Variants in CPNE3 observed in about 807,000 individuals in gnomAD.
The protein encoded by CPNE3 is copine-3.
A neutral mutation model predicts 63.9 loss-of-function variants in CPNE3; 68 were observed. The observed-to-expected ratio is 1.06, with a 90% CI of 0.87 to 1.30. CPNE3 has a LOEUF of 1.30. Among genes scored for constraint, CPNE3 ranks in the 50% most tolerant of loss-of-function variants. The probability of loss-of-function intolerance (pLI) is 0.00; values close to 1 mark genes in which losing one functional copy is unlikely to be tolerated. For missense variants in CPNE3, 665 were observed against 578.1 expected, an observed-to-expected ratio of 1.15 and a Z score of -1.54; for synonymous variants, 219 against 197.5, an observed-to-expected ratio of 1.11 and a Z score of -0.91.
At chr8:86,532,225 G>C (rs192646171) in intron 5 of CPNE3, among the ~76,000 whole-genome samples, 17 of 152,172 alleles carry the variant, frequency 1.1e-4, no homozygotes, top group African/African-American at 3.4e-4. Flanking sequence ...AGTCTTCTGG[G>C]GTTTTGACAT....
At position 86,527,946 on chromosome 8, in the gene CPNE3, A is replaced by ATTTTTTTTTTTTTTTTTTTT. The variant is rs869225401; in HGVS notation, c.-10-584_-10-565dup. ...AAATTTATAGTTAAGGTAAAAAGAAATTTTTTTTTTTTTTTTTTTTTTTTT... is the reference window on the plus strand; with the variant it reads ...AAATTTATAGTTAAGGTAAAAAGAAATTTTTTTTTTTTTTTTTTTTTTTTTTTTTTTTTTTTTTTTTTTTT... On this transcript the variant is annotated intron_variant, in intron 2 of 16. Coordinates refer to ENST00000517490, the MANE Select transcript of CPNE3 (RefSeq NM_003909.5). 4.1e-3 allele frequency among the ~76,000 whole-genome samples: 352 copies of ATTTTTTTTTTTTTTTTTTTT among 85,960 alleles called. 62 individuals are homozygous for ATTTTTTTTTTTTTTTTTTTT. The highest frequency in any genetic ancestry group is 0.018 in the African/African-American group (325 of 17,644). The allele number at this position is 85,960 out of a possible 152,430, so 56.4% of individuals were successfully genotyped here. A position where few individuals can be genotyped will look rare whatever the true frequency, so the allele number is the denominator to read the frequency against.
At chr8:86,532,647 GC>G in intron 6 of CPNE3, 67 bp downstream of exon 6, 1 of 1,370,878 alleles carries the variant, frequency 7.3e-7, no homozygotes, top group Non-Finnish European at 1.0e-6. Flanking sequence ...AAATAAAAAT[GC>G]AGTTAATATC....
intron 4 of CPNE3, among the ~76,000 whole-genome samples, chr8:86,530,825 G>T (rs931681081): frequency 2.0e-5 from 3 of 151,604 alleles, no homozygotes; most frequent in Non-Finnish European, 2.9e-5. Flanking sequence ...CCGAGTAGCT[G>T]GGATTACAGG....
At position 86,558,365 on chromosome 8, in the gene CPNE3, ACTC is replaced by A. The variant is rs1427341806; in HGVS notation, c.1572_1574del (p.Leu525del). 1 of 872,726 alleles carries A rather than the reference ACTC, an allele frequency of 1.1e-6. No homozygotes were observed. Among genetic ancestry groups the A allele is most frequent in the Admixed American group, 1.7e-5 (1 of 59,142 alleles). 54.1% of individuals were successfully genotyped at this position (872,726 alleles called of 1,614,324 possible). ...TGGTGGGCTACTTCAATACATACAA[ACTC>A]CTTCCTCCCAAGAACCCAGCCACGA... On this transcript the variant is annotated inframe_deletion, in exon 17 of 17. Coordinates refer to ENST00000517490, the MANE Select transcript of CPNE3 (RefSeq NM_003909.5).
chr8:86,532,943 T>C (rs1266549187), intron 6 of CPNE3, among the ~76,000 whole-genome samples: 1 of 152,222 alleles, frequency 6.6e-6, no homozygotes, highest in Non-Finnish European at 1.5e-5. Context: ...GTCAATTTTT[T>C]TTTATGAAGG....
chr8:86,528,986 AT>A lies in CPNE3; in HGVS notation c.178del (p.Ser60ProfsTer16). 6.2e-7 allele frequency: 1 copy of A among 1,613,698 alleles called. No individual in the cohort carries two copies. The highest frequency in any genetic ancestry group is 8.5e-7 in the Non-Finnish European group (1 of 1,179,914). On this transcript the variant is annotated frameshift_variant, in exon 4 of 17. Transcript: ENST00000517490. LOFTEE classifies it high-confidence loss of function. ...GGATTAAGAATTGCTTGAATCCCCA[AT>A]TTTCCAAGACATTTATTATTGATTA... ...ERIKNCLNPQ[F>X]SKTFIIDYYF...
At chr8:86,548,176 A>T in intron 11 of CPNE3, 125 bp from the exon 12 acceptor site, 1 of 874,498 alleles carries the variant, frequency 1.1e-6, no homozygotes, top group Non-Finnish European at 1.7e-6. Context: ...AAATAGTGGT[A>T]GGCATTTGTT....
At chr8:86,548,821 ATAT>A (rs1290826909) in intron 12 of CPNE3, among the ~76,000 whole-genome samples, 1 of 152,024 alleles carries the variant, frequency 6.6e-6, no homozygotes, top group Non-Finnish European at 1.5e-5. Flanking sequence ...TAAATACTAA[ATAT>A]TATTTATGTT....
At chr8:86,524,294 G>C (rs982223954) in intron 2 of CPNE3, among the ~76,000 whole-genome samples, 15 of 152,190 alleles carry the variant, frequency 9.9e-5, no homozygotes, top group African/African-American at 3.6e-4. Flanking sequence ...GGAATGACCA[G>C]ATGCCTTAAA....
At chr8:86,547,255 A>AT (rs1346402470) in intron 10 of CPNE3, 1 of 154,806 alleles carries the variant, frequency 6.5e-6, no homozygotes, top group Non-Finnish European at 1.4e-5. Context: ...GCATCATAGT[A>AT]TTTTCTCAGC....
Position 86,558,670 on chromosome 8 carries a change from G to T in CPNE3, c.*260G>T, listed in dbSNP as rs961423207. 5 of 373,314 alleles carry T rather than the reference G, an allele frequency of 1.3e-5. No individual in the cohort carries two copies. Among genetic ancestry groups the T allele is most frequent in the Admixed American group, 1.1e-4 (3 of 26,130 alleles). The allele number at this position is 373,314 out of a possible 1,614,324, so 23.1% of individuals were successfully genotyped here. ...GCTCTTTGGATTAGAAATTAGTGTG[G>T]GGAAAGCTTATTCTGTTGTTGTTTT... On this transcript the variant is annotated 3_prime_UTR_variant, in exon 17 of 17. Coordinates refer to ENST00000517490, the MANE Select transcript of CPNE3 (RefSeq NM_003909.5).
At chr8:86,523,150 C>T (rs1820471653) in intron 2 of CPNE3, among the ~76,000 whole-genome samples, 1 of 152,166 alleles carries the variant, frequency 6.6e-6, no homozygotes. Context: ...ATATGCTGAG[C>T]ATGCTACAGA....
At chr8:86,528,744 T>A in intron 3 of CPNE3, 67 bp downstream of exon 3, 1 of 1,518,810 alleles carries the variant, frequency 6.6e-7, no homozygotes, top group South Asian at 1.3e-5. Flanking sequence ...AGAGTTTTTT[T>A]AATGTTAAAA....
chr8:86,545,998 G>A (rs1233910294), intron 9 of CPNE3, among the ~76,000 whole-genome samples: 1 of 152,094 alleles, frequency 6.6e-6, no homozygotes. Flanking sequence ...CCCTAAAGAT[G>A]GATAGGGGGA....
At chr8:86,534,626 A>T (rs963136099) in intron 6 of CPNE3, among the ~76,000 whole-genome samples, 5 of 152,220 alleles carry the variant, frequency 3.3e-5, no homozygotes, top group African/African-American at 1.2e-4. Context: ...ACTGCATTCC[A>T]GCTTGGCGAG....
rs373240426 is a variant in CPNE3 at position 86,540,232 on chromosome 8, C to T, written c.544-13C>T. Reference sequence around the variant, plus strand: ...AGTTTTTCTAACAGCTTTTTGAAACCACATTTTTATAGGTTGTTAAAAACA... The same window carrying T: ...AGTTTTTCTAACAGCTTTTTGAAACTACATTTTTATAGGTTGTTAAAAACA... On this transcript the variant is annotated splice_polypyrimidine_tract_variant and intron_variant, in intron 7 of 16. Coordinates refer to ENST00000517490, the MANE Select transcript of CPNE3 (RefSeq NM_003909.5). The T allele has an allele frequency of 3.4e-5, 54 of 1,567,556 alleles. No individual in the cohort carries two copies. The highest frequency in any genetic ancestry group is 4.7e-5 in the Non-Finnish European group (53 of 1,139,134).
Position 86,558,653 on chromosome 8 carries a change from G to T in CPNE3, c.*243G>T. 1 of 392,522 alleles carries T rather than the reference G, an allele frequency of 2.5e-6. No homozygotes were observed. The highest frequency in any genetic ancestry group is 4.7e-6 in the Non-Finnish European group (1 of 213,546). The allele number at this position is 392,522 out of a possible 1,614,324, so 24.3% of individuals were successfully genotyped here. Reference sequence around the variant, plus strand: ...ACATTAATTGCAGTAAAGCTCTTTGGATTAGAAATTAGTGTGGGGAAAGCT... The same window carrying T: ...ACATTAATTGCAGTAAAGCTCTTTGTATTAGAAATTAGTGTGGGGAAAGCT... On this transcript the variant is annotated 3_prime_UTR_variant, in exon 17 of 17. Coordinates refer to ENST00000517490, the MANE Select transcript of CPNE3 (RefSeq NM_003909.5).
At chr8:86,522,382 A>G (rs1181977507) in intron 2 of CPNE3, among the ~76,000 whole-genome samples, 2 of 152,128 alleles carry the variant, frequency 1.3e-5, no homozygotes, top group African/African-American at 4.8e-5. Flanking sequence ...CAATTTGATT[A>G]TAATGAGCTA....
At chr8:86,547,432 T>C (rs1395123646) in intron 10 of CPNE3, 6 of 301,144 alleles carry the variant, frequency 2.0e-5, no homozygotes, top group Non-Finnish European at 3.1e-5. Flanking sequence ...CCTCAACATA[T>C]TGGATTCATT....
Sources: allele counts gnomAD v4.1 joint callset (sites outside exome capture counted in the v4.1 genomes callset), GRCh38; gene constraint gnomAD v4.1.1; transcripts MANE v1.5; gene names NCBI Gene and HGNC (gene_info 2026-07-23, HGNC 2026-07-21).